The following SMAD3 variants were observed in gnomAD, a reference collection of about 807,000 sequenced individuals.
SMAD3 encodes MAD homolog 3.
SMAD3 carries 12 observed loss-of-function variants against 51.8 expected under a neutral mutation model. The observed-to-expected ratio is 0.23, with a 90% CI of 0.15 to 0.38. The LOEUF is 0.38. SMAD3 is among the 10% of genes least tolerant of loss of function. The probability of loss-of-function intolerance (pLI) is 1.00; values close to 1 mark genes in which losing one functional copy is unlikely to be tolerated. For missense variants in SMAD3, 294 were observed against 565.6 expected, an observed-to-expected ratio of 0.52 and a Z score of 4.87; for synonymous variants, 238 against 227.7, an observed-to-expected ratio of 1.05 and a Z score of -0.41.
intron 1 of SMAD3, among the ~76,000 whole-genome samples, chr15:67,134,539 C>T (rs1400226521): frequency 2.7e-5 from 4 of 150,822 alleles, no homozygotes; most frequent in Non-Finnish European, 1.5e-5. Context: ...TTGTCTTACG[C>T]TCGGGGTGCC....
chr15:67,082,297 A>G (rs1377195801), intron 1 of SMAD3, among the ~76,000 whole-genome samples: 3 of 152,178 alleles, frequency 2.0e-5, no homozygotes, highest in Non-Finnish European at 2.9e-5. Context: ...CCAGGGCCAC[A>G]CATTTTGTGA....
intron 1 of SMAD3, among the ~76,000 whole-genome samples, chr15:67,113,429 G>A (rs571437853): frequency 6.8e-4 from 104 of 152,206 alleles, no homozygotes; most frequent in Non-Finnish European, 1.4e-3. Context: ...TTCAAAAAAA[G>A]AATCTGTGGT....
At chr15:67,168,696 C>T (rs1186509413) in intron 4 of SMAD3, among the ~76,000 whole-genome samples, 1 of 152,170 alleles carries the variant, frequency 6.6e-6, no homozygotes, top group Non-Finnish European at 1.5e-5. Context: ...GTCCCCTCTC[C>T]CTTCTTCCTT....
chr15:67,079,104 G>A (rs965773938), intron 1 of SMAD3, among the ~76,000 whole-genome samples: 7 of 151,670 alleles, frequency 4.6e-5, no homozygotes, highest in African/African-American at 1.2e-4. Flanking sequence ...TCAGCCTCCC[G>A]AGTAGCTGGG....
At chr15:67,149,654 T>C (rs1266914657) in intron 1 of SMAD3, among the ~76,000 whole-genome samples, 1 of 146,920 alleles carries the variant, frequency 6.8e-6, no homozygotes, top group Non-Finnish European at 1.5e-5. Flanking sequence ...AACCAGAACC[T>C]TTTTTTTTTT....
chr15:67,080,773 G>A lies in SMAD3; in HGVS notation c.206+14413G>A, dbSNP rs146593170. Reference sequence around the variant, plus strand: ...GCCAGGGCCGCTGCGGAGCAAGCACGTGGCCCCGAATAACCCCTCCCTGCC... The same window carrying A: ...GCCAGGGCCGCTGCGGAGCAAGCACATGGCCCCGAATAACCCCTCCCTGCC... On this transcript the variant is annotated intron_variant, in intron 1 of 8. Coordinates refer to ENST00000327367, the MANE Select transcript of SMAD3 (RefSeq NM_005902.4). Among the ~76,000 whole-genome samples the A allele has an allele frequency of 4.5e-4, 69 of 152,366 alleles. 1 individual carries two copies. Among genetic ancestry groups the A allele is most frequent in the African/African-American group, 1.6e-3 (65 of 41,586 alleles).
chr15:67,094,278 G>A (rs1414673618), intron 1 of SMAD3, among the ~76,000 whole-genome samples: 1 of 152,214 alleles, frequency 6.6e-6, no homozygotes, highest in Non-Finnish European at 1.5e-5. Flanking sequence ...GATGGGAGGC[G>A]AAGCTTCTGG....
chr15:67,093,066 C>T (rs911125387), intron 1 of SMAD3, among the ~76,000 whole-genome samples: 4 of 152,162 alleles, frequency 2.6e-5, no homozygotes, highest in African/African-American at 7.2e-5. Context: ...TTCCCTTCCT[C>T]ACCCTGTCTT....
At chr15:67,093,023 C>T (rs1295694814) in intron 1 of SMAD3, among the ~76,000 whole-genome samples, 1 of 152,128 alleles carries the variant, frequency 6.6e-6, no homozygotes, top group African/African-American at 2.4e-5. Context: ...AACAGGAAGA[C>T]TGGACTTGAG....
At chr15:67,171,097 C>A (rs1332779855) in intron 5 of SMAD3, among the ~76,000 whole-genome samples, 1 of 152,156 alleles carries the variant, frequency 6.6e-6, no homozygotes, top group African/African-American at 2.4e-5. Flanking sequence ...ATCCCACCAC[C>A]CTAACATAAC....
At chr15:67,110,586 T>C (rs779015184) in intron 1 of SMAD3, among the ~76,000 whole-genome samples, 1 of 152,202 alleles carries the variant, frequency 6.6e-6, no homozygotes, top group Admixed American at 6.5e-5. Context: ...GCCGTGCAGA[T>C]GCAAATGCTC....
intron 4 of SMAD3, among the ~76,000 whole-genome samples, chr15:67,168,342 C>G (rs1430099579): frequency 6.6e-6 from 1 of 152,224 alleles, no homozygotes; most frequent in Non-Finnish European, 1.5e-5. Flanking sequence ...GTTGAGCACA[C>G]CCGGTGAAAC....
At chr15:67,157,625 G>A (rs1962318750) in intron 1 of SMAD3, among the ~76,000 whole-genome samples, 1 of 152,230 alleles carries the variant, frequency 6.6e-6, no homozygotes, top group Admixed American at 6.5e-5. Context: ...CCCAGCCTCT[G>A]TGTTGTCCCA....
chr15:67,102,325 C>T (rs936000154), intron 1 of SMAD3, among the ~76,000 whole-genome samples: 11 of 151,442 alleles, frequency 7.3e-5, no homozygotes, highest in Non-Finnish European at 1.5e-4. Flanking sequence ...AGAAAAAAGC[C>T]AGGAGAGTAG....
chr15:67,178,110 G>A (rs1962955844), intron 5 of SMAD3, among the ~76,000 whole-genome samples: 1 of 152,210 alleles, frequency 6.6e-6, no homozygotes, highest in Admixed American at 6.5e-5. Flanking sequence ...ACTGTCCGGT[G>A]TGTGTCTGTG....
At chr15:67,138,350 C>T (rs910868943) in intron 1 of SMAD3, 7 of 469,758 alleles carry the variant, frequency 1.5e-5, no homozygotes, top group East Asian at 1.1e-4. Flanking sequence ...CTGAACCCCC[C>T]CTCCCCCGGC....
chr15:67,104,637 A>T (rs1960836863), intron 1 of SMAD3, among the ~76,000 whole-genome samples: 1 of 152,112 alleles, frequency 6.6e-6, no homozygotes, highest in African/African-American at 2.4e-5. Flanking sequence ...CCGAAGACGG[A>T]TAACTTTGGC....
At chr15:67,075,914 C>CAAA (rs397702867) in intron 1 of SMAD3, among the ~76,000 whole-genome samples, 1 of 140,102 alleles carries the variant, frequency 7.1e-6, no homozygotes, top group Non-Finnish European at 1.6e-5. Flanking sequence ...GACTCTGTCT[C>CAAA]AAAAAAAAAA....
At position 67,077,714 on chromosome 15, in the gene SMAD3, A is replaced by T. The variant is rs567412917; in HGVS notation, c.206+11354A>T. Among the ~76,000 whole-genome samples the T allele has an allele frequency of 2.0e-4, 30 of 152,280 alleles. 1 individual carries two copies. The highest frequency in any genetic ancestry group is 7.0e-4 in the African/African-American group (29 of 41,562). On this transcript the variant is annotated intron_variant, in intron 1 of 8. Coordinates refer to ENST00000327367, the MANE Select transcript of SMAD3 (RefSeq NM_005902.4). The stretch of plus-strand genomic sequence containing the variant: ...CAATACTCAATTGGGGCCTTGAAGG[A>T]TGGATAGGAGTGTAGGAGTGGAGTG...
Sources: allele counts gnomAD v4.1 joint callset (sites outside exome capture counted in the v4.1 genomes callset), GRCh38; gene constraint gnomAD v4.1.1; transcripts MANE v1.5; gene names NCBI Gene and HGNC (gene_info 2026-07-23, HGNC 2026-07-21).